Variants in ARHGEF10L observed in about 807,000 individuals in gnomAD.
The protein encoded by ARHGEF10L is Rho guanine nucleotide exchange factor 10 like.
A neutral mutation model predicts 141.2 loss-of-function variants in ARHGEF10L; 69 were observed. That is an observed-to-expected ratio of 0.49 (90% confidence interval 0.40 to 0.60). The LOEUF (loss-of-function observed/expected upper bound fraction) is 0.60, where lower values mean the gene tolerates loss of function less well. ARHGEF10L is among the 20% of genes least tolerant of loss of function. ARHGEF10L has a pLI of 0.00. For missense variants in ARHGEF10L, 1,482 were observed against 1,734.3 expected, an observed-to-expected ratio of 0.85 and a Z score of 2.58; for synonymous variants, 711 against 718.5, an observed-to-expected ratio of 0.99 and a Z score of 0.17.
intron 15 of ARHGEF10L, among the ~76,000 whole-genome samples, chr1:17,631,089 G>A (rs1487959186): frequency 6.6e-6 from 1 of 150,768 alleles, no homozygotes; most frequent in Non-Finnish European, 1.5e-5. Flanking sequence ...GGGTTGCCTG[G>A]GGGTGATCTG....
At chr1:17,601,608 G>T (rs1199827652) in intron 4 of ARHGEF10L, among the ~76,000 whole-genome samples, 7 of 152,104 alleles carry the variant, frequency 4.6e-5, no homozygotes, top group Admixed American at 2.0e-4. Flanking sequence ...ACCACGCCTG[G>T]CTAATTTTTG....
chr1:17,565,815 T>C (rs2077730698), intron 1 of ARHGEF10L, among the ~76,000 whole-genome samples: 1 of 152,128 alleles, frequency 6.6e-6, no homozygotes, highest in Non-Finnish European at 1.5e-5. Flanking sequence ...AGGCAAAAGA[T>C]GCAGTCCCAC....
chr1:17,553,104 C>T (rs1281085920), intron 1 of ARHGEF10L, among the ~76,000 whole-genome samples: 2 of 152,212 alleles, frequency 1.3e-5, no homozygotes, highest in South Asian at 2.1e-4. Flanking sequence ...GGGGCAGACC[C>T]GGGACCAGAA....
chr1:17,548,833 G>A (rs35728232), intron 1 of ARHGEF10L, among the ~76,000 whole-genome samples: 16 of 151,066 alleles, frequency 1.1e-4, no homozygotes, highest in Admixed American at 5.9e-4. Flanking sequence ...ATTTTTAGTA[G>A]AGACAGGGTT....
Position 17,627,477 on chromosome 1 carries a change from G to A in ARHGEF10L, c.1558G>A (p.Val520Ile), listed in dbSNP as rs146350223. The change falls in exon 15 of 29, where the codon GTC (valine) becomes ATC (isoleucine). Residue 520 changes from valine to isoleucine, a missense_variant. Val to Ile is a conservative substitution (Grantham distance 29). Coordinates refer to ENST00000361221, the MANE Select transcript of ARHGEF10L (RefSeq NM_018125.4). This position sits in a 1 kb window ranked among gnomAD's most constrained non-coding sequence, Gnocchi z 4.0. ...VAEIQQLTKS[V>I]SDRSSLNKLL... ...TGAGATCCAGCAGCTGACCAAGAGC[G>A]TCAGTGACCGCAGCAGCCTCAACAA... 36 of 1,612,404 alleles carry A rather than the reference G, an allele frequency of 2.2e-5. No individual in the cohort carries two copies. Among genetic ancestry groups the A allele is most frequent in the African/African-American group, 1.5e-4 (11 of 74,910 alleles).
intron 1 of ARHGEF10L, among the ~76,000 whole-genome samples, chr1:17,560,566 A>G (rs1406415149): frequency 2.6e-5 from 4 of 152,190 alleles, no homozygotes; most frequent in Non-Finnish European, 5.9e-5. Context: ...GGCCAGCCAA[A>G]CAACGATCTT....
In ARHGEF10L at chr1:17,656,220, C is replaced by G. The variant is rs2062239165; in HGVS notation, c.2705+118C>G. ...CCCACCAACATTCTCTGCCCCTGGT[C>G]TCCAGGAAGGTGGGCACCAGAGCTG... On this transcript the variant is annotated intron_variant, in intron 24 of 28. Transcript: ENST00000361221. The surrounding 1 kb of genome is among the most constrained non-coding windows in gnomAD (Gnocchi z 4.9). The G allele has an allele frequency of 7.9e-7, 1 of 1,261,634 alleles. No individual in the cohort carries two copies. Among genetic ancestry groups the G allele is most frequent in the Admixed American group, 2.1e-5 (1 of 46,564 alleles). 78.2% of individuals were successfully genotyped at this position (1,261,634 alleles called of 1,614,324 possible). A position where few individuals can be genotyped will look rare whatever the true frequency, so the allele number is the denominator to read the frequency against.
intron 1 of ARHGEF10L, among the ~76,000 whole-genome samples, chr1:17,553,050 C>T (rs1199773338): frequency 6.6e-6 from 1 of 152,238 alleles, no homozygotes; most frequent in Non-Finnish European, 1.5e-5. Flanking sequence ...AGACTTGGAG[C>T]TCCAGTGGGC....
chr1:17,599,728 G>T (rs569139749), intron 4 of ARHGEF10L, among the ~76,000 whole-genome samples: 1 of 152,270 alleles, frequency 6.6e-6, no homozygotes, highest in African/African-American at 2.4e-5. Flanking sequence ...AGGACCAAAT[G>T]TGCTGCCTTC....
Position 17,638,634 on chromosome 1 carries a change from A to G in ARHGEF10L, c.2116A>G (p.Ile706Val), listed in dbSNP as rs1339574460. 6.2e-7 allele frequency: 1 copy of G among 1,613,982 alleles called. No homozygotes were observed. The highest frequency in any genetic ancestry group is 8.5e-7 in the Non-Finnish European group (1 of 1,179,990). Reference protein sequence around the residue: ...QRLMRVKEEEIHSANKCRLRL... With the variant: ...QRLMRVKEEEVHSANKCRLRL... ...GCTGATGCGGGTGAAGGAGGAAGAG[A>G]TCCACTCGGCCAACAAGTGCCGTCT... Residue 706 changes from isoleucine to valine, a missense_variant, in exon 20 of 29, where the codon ATC becomes GTC. By Grantham distance (29) the Ile-to-Val change is conservative. This residue lies in a region of ARHGEF10L where 858 missense variants were observed against 966.3 expected (regional missense o/e 0.89). Transcript: ENST00000361221.
At chr1:17,587,431 C>A in intron 2 of ARHGEF10L, 29 bp from the exon 3 acceptor site, 1 of 1,599,676 alleles carries the variant, frequency 6.3e-7, no homozygotes, top group Non-Finnish European at 8.5e-7. Flanking sequence ...GGAGATCCTG[C>A]AGCCTGGCCA....
At position 17,637,899 on chromosome 1, in the gene ARHGEF10L, C is replaced by T. The variant is rs757711645; in HGVS notation, c.1939C>T (p.Leu647Phe). 9 of 1,589,518 alleles carry T rather than the reference C, an allele frequency of 5.7e-6. No homozygotes were observed. Among genetic ancestry groups the T allele is most frequent in the South Asian group, 1.2e-5 (1 of 86,886 alleles). ...ASGQAQNKVY[L>F]GPPRLFQELQ... ...TCTTCTCTGCCCAGATAAGGTGTAC[C>T]TCGGCCCCCCACGCCTCTTCCAGGA... Residue 647 changes from leucine to phenylalanine, a missense_variant, in exon 19 of 29, where the codon CTC becomes TTC. By Grantham distance (22) the Leu-to-Phe change is conservative. This residue lies in a region of ARHGEF10L where 858 missense variants were observed against 966.3 expected (regional missense o/e 0.89). Transcript: ENST00000361221.
rs1456127700 is a variant in ARHGEF10L, at chr1:17,623,956, C to G, written c.1201-431C>G. Among the ~76,000 whole-genome samples the G allele has an allele frequency of 6.6e-6, 1 of 152,206 alleles. No individual in the cohort carries two copies. Among genetic ancestry groups the G allele is most frequent in the African/African-American group, 2.4e-5 (1 of 41,448 alleles). On this transcript the variant is annotated intron_variant, in intron 12 of 28. Coordinates refer to ENST00000361221, the MANE Select transcript of ARHGEF10L (RefSeq NM_018125.4). The surrounding 1 kb of genome is among the most constrained non-coding windows in gnomAD (Gnocchi z 4.7). Reference sequence around the variant, plus strand: ...CCATCCCTCCCTTGGTAACTCAACTCTGGGCACGCTGCCCGGTGAGAGGCC... The same window carrying G: ...CCATCCCTCCCTTGGTAACTCAACTGTGGGCACGCTGCCCGGTGAGAGGCC...
the ARHGEF10L span, among the ~76,000 whole-genome samples, chr1:17,524,240 G>A: frequency 6.6e-6 from 1 of 151,922 alleles, no homozygotes; most frequent in East Asian, 1.9e-4. Context: ...AGTGAGCTGA[G>A]ATTGCAGTGA....
In ARHGEF10L at chr1:17,656,064, G is replaced by C. The variant is rs867984; in HGVS notation, c.2667G>C (p.Thr889=). The change falls in exon 24 of 29, where the codon ACG becomes ACC. Residue 889 remains threonine, a synonymous_variant. Coordinates refer to ENST00000361221, the MANE Select transcript of ARHGEF10L (RefSeq NM_018125.4). This position sits in a 1 kb window ranked among gnomAD's most constrained non-coding sequence, Gnocchi z 4.9. ...ESPTVADPSA[T]VHPTICLGLQ... ...CGACAGTTGCTGACCCCTCGGCCACGGTGCATCCAACCATCTGCCTCGGGC... is the reference window on the plus strand; with the variant it reads ...CGACAGTTGCTGACCCCTCGGCCACCGTGCATCCAACCATCTGCCTCGGGC... 1.3e-6 allele frequency: 2 copies of C among 1,561,708 alleles called. No individual in the cohort carries two copies. The highest frequency in any genetic ancestry group is 1.2e-5 in the South Asian group (1 of 84,758).
At chr1:17,667,271 C>A in intron 26 of ARHGEF10L, among the ~76,000 whole-genome samples, 1 of 152,216 alleles carries the variant, frequency 6.6e-6, no homozygotes, top group South Asian at 2.1e-4. Context: ...GGGCAACCTT[C>A]AGTCTGATGT....
chr1:17,525,341 G>A, the ARHGEF10L span, among the ~76,000 whole-genome samples: 3 of 152,216 alleles, frequency 2.0e-5, no homozygotes, highest in Non-Finnish European at 2.9e-5. Flanking sequence ...GTCATGGTTG[G>A]TTTGAGCCAA....
rs143741728 is a variant in ARHGEF10L at position 17,679,318 on chromosome 1, C to T, written c.3010-8255C>T. Among the ~76,000 whole-genome samples the T allele has an allele frequency of 7.2e-3, 1,090 of 152,320 alleles. 14 individuals are homozygous for T. The highest frequency in any genetic ancestry group is 0.025 in the African/African-American group (1,059 of 41,560). On this transcript the variant is annotated intron_variant, in intron 26 of 28. Coordinates refer to ENST00000361221, the MANE Select transcript of ARHGEF10L (RefSeq NM_018125.4). ...CACAACCTCTTGGCCTCAACCAGGT[C>T]AGACTCTGAGGGCAGGAGTGTTGGG...
chr1:17,579,519 A>G (rs1256611049), intron 1 of ARHGEF10L, among the ~76,000 whole-genome samples: 1 of 152,206 alleles, frequency 6.6e-6, no homozygotes, highest in Admixed American at 6.5e-5. Flanking sequence ...GGAATAATAG[A>G]CGTTAATATT....
Sources: allele counts gnomAD v4.1 joint callset (sites outside exome capture counted in the v4.1 genomes callset), GRCh38; gene constraint gnomAD v4.1.1; regional missense constraint gnomAD v4.1.1; non-coding constraint Gnocchi (gnomAD v3.1); transcripts MANE v1.5; gene names NCBI Gene and HGNC (gene_info 2026-07-23, HGNC 2026-07-21).